SPRED2: variants seen among roughly 807,000 people sequenced by gnomAD.
SPRED2 encodes sprouty related EVH1 domain containing 2.
SPRED2 carries 47 observed loss-of-function variants against 43.0 expected under a neutral mutation model. The observed-to-expected ratio is 1.09, with a 90% CI of 0.87 to 1.40. SPRED2 has a LOEUF of 1.40. Ranked by LOEUF, SPRED2 falls within the 40% of genes most tolerant of loss-of-function variation. The probability of loss-of-function intolerance (pLI) is 0.00; values close to 1 mark genes in which losing one functional copy is unlikely to be tolerated. For missense variants in SPRED2, 561 were observed against 586.4 expected (o/e 0.96, Z 0.45); for synonymous variants, 225 against 225.7 (o/e 1.00, Z 0.03).
chr2:65,326,635 A>G (rs574034713), intron 4 of SPRED2, among the ~76,000 whole-genome samples: 2 of 152,168 alleles, frequency 1.3e-5, no homozygotes, highest in East Asian at 3.9e-4. Flanking sequence ...GGATTCTTTC[A>G]TTGTGAAATT....
chr2:65,384,130 C>T (rs570313814), intron 1 of SPRED2, among the ~76,000 whole-genome samples: 5 of 152,174 alleles, frequency 3.3e-5, no homozygotes, highest in South Asian at 2.1e-4. Context: ...CTGCAACGGC[C>T]GCTCTCGGCC....
At chr2:65,342,421 ATAT>A (rs1399137065) in intron 2 of SPRED2, among the ~76,000 whole-genome samples, 3 of 148,810 alleles carry the variant, frequency 2.0e-5, no homozygotes, top group Non-Finnish European at 3.0e-5. Context: ...TTGTATACGT[ATAT>A]TATATGTATG....
chr2:65,337,681 T>G (rs549533771), intron 2 of SPRED2, among the ~76,000 whole-genome samples: 48 of 152,254 alleles, frequency 3.2e-4, no homozygotes, highest in African/African-American at 1.2e-3. Context: ...CTTAAAAATA[T>G]GTCATAGAGA....
intron 3 of SPRED2, among the ~76,000 whole-genome samples, chr2:65,333,063 C>G (rs1166661658): frequency 6.6e-6 from 1 of 151,914 alleles, no homozygotes; most frequent in African/African-American, 2.4e-5. Flanking sequence ...GTCAGGAGTT[C>G]AAGACCAGCC....
At chr2:65,346,291 C>T (rs1674347215) in intron 1 of SPRED2, among the ~76,000 whole-genome samples, 1 of 152,098 alleles carries the variant, frequency 6.6e-6, no homozygotes, top group African/African-American at 2.4e-5. Flanking sequence ...CTACCATTCC[C>T]TTTACTTCCT....
At position 65,389,296 on chromosome 2, in the gene SPRED2, T is replaced by C. The variant is rs189497658; in HGVS notation, c.26+42666A>G. Among the ~76,000 whole-genome samples, 6 of 151,966 alleles carry C rather than the reference T, an allele frequency of 3.9e-5. No homozygotes were observed. In the East Asian group the frequency reaches 9.7e-4, roughly 25 times the overall value. On this transcript the variant is annotated intron_variant, in intron 1 of 5. Coordinates refer to ENST00000356388, the MANE Select transcript of SPRED2 (RefSeq NM_181784.3). ...CCTTGCCTTGGGAGAAGCACAATCT[T>C]TCCTTTGAACATGAAACATTCTAAA... is the stretch of plus-strand genomic sequence containing the variant.
chr2:65,422,100 ACACACTCT>A (rs1476029788), intron 1 of SPRED2, among the ~76,000 whole-genome samples: 50 of 112,736 alleles, frequency 4.4e-4, no homozygotes, highest in African/African-American at 1.6e-3. Context: ...ACACACACAC[ACACACTCT>A]CTCTCTCTCT....
chr2:65,378,658 G>C (rs557546218), intron 1 of SPRED2, among the ~76,000 whole-genome samples: 4 of 152,360 alleles, frequency 2.6e-5, no homozygotes, highest in African/African-American at 9.6e-5. Context: ...GTGATCCTCA[G>C]ATGATAAGAG....
At chr2:65,309,338 GA>G (rs1470708553), downstream of SPRED2, among the ~76,000 whole-genome samples, 1 of 151,250 alleles carries the variant, frequency 6.6e-6, no homozygotes, top group Non-Finnish European at 1.5e-5. Context: ...CCATCTCTAT[GA>G]AAAAAATTTA....
chr2:65,348,216 T>C (rs1674407316), intron 1 of SPRED2, among the ~76,000 whole-genome samples: 1 of 152,188 alleles, frequency 6.6e-6, no homozygotes, highest in Non-Finnish European at 1.5e-5. Context: ...CACTTAAGTC[T>C]CTGTCCAAGG....
rs1324184853 is a variant in SPRED2, at chr2:65,343,172, C to T, written c.204+1547G>A. The stretch of plus-strand genomic sequence containing the variant: ...CCGAAGGGCTGGATTATACTTAGTA[C>T]ATGGTAAATGCTAGATAAATGGTAG... On this transcript the variant is annotated intron_variant, in intron 2 of 5. Transcript: ENST00000356388. Among the ~76,000 whole-genome samples, 3 of 152,164 alleles carry T rather than the reference C, an allele frequency of 2.0e-5. No individual in the cohort carries two copies. The East Asian group carries it at 5.8e-4, about 29-fold the overall frequency.
chr2:65,350,695 G>GA (rs1674482852), intron 1 of SPRED2, among the ~76,000 whole-genome samples: 2 of 152,242 alleles, frequency 1.3e-5, no homozygotes, highest in South Asian at 4.2e-4. Flanking sequence ...GGAAGGCAGA[G>GA]AAAAAAATCT....
chr2:65,322,525 C>T (rs1673462686), intron 4 of SPRED2, among the ~76,000 whole-genome samples: 1 of 151,858 alleles, frequency 6.6e-6, no homozygotes, highest in South Asian at 2.1e-4. Flanking sequence ...AATCTCCTGA[C>T]CTCGTTATCC....
chr2:65,350,234 G>A (rs1046336263), intron 1 of SPRED2, among the ~76,000 whole-genome samples: 1 of 152,216 alleles, frequency 6.6e-6, no homozygotes, highest in Non-Finnish European at 1.5e-5. Context: ...GGGGCAGGAA[G>A]GGCAAGGGCA....
intron 1 of SPRED2, among the ~76,000 whole-genome samples, chr2:65,393,326 C>CTTTTTTT (rs55696467): frequency 6.4e-5 from 9 of 141,692 alleles, no homozygotes; most frequent in African/African-American, 1.3e-4. Flanking sequence ...AATCATAAGG[C>CTTTTTTT]TTTTTTTTTT....
intron 1 of SPRED2, among the ~76,000 whole-genome samples, chr2:65,356,536 C>CTTTTTTTTTTTTTTTT (rs1274369940): frequency 6.6e-5 from 4 of 60,586 alleles, no homozygotes; most frequent in East Asian, 1.7e-3. Context: ...CCAGTTCCCT[C>CTTTTTTTTTTTTTTTT]TTTTTTTTTT....
intron 1 of SPRED2, among the ~76,000 whole-genome samples, chr2:65,354,757 G>T (rs1371265740): frequency 6.6e-6 from 1 of 151,908 alleles, no homozygotes; most frequent in Non-Finnish European, 1.5e-5. Flanking sequence ...ACACAATAAA[G>T]GTTAAGGTTG....
At chr2:65,386,396 G>C (rs922260539) in intron 1 of SPRED2, among the ~76,000 whole-genome samples, 1 of 151,672 alleles carries the variant, frequency 6.6e-6, no homozygotes, top group Non-Finnish European at 1.5e-5. Flanking sequence ...AGTAGTAGCA[G>C]CAGCTAACAA....
At chr2:65,316,920 A>T in intron 4 of SPRED2, 37 bp from the exon 5 acceptor site, 2 of 1,608,430 alleles carry the variant, frequency 1.2e-6, no homozygotes, top group Non-Finnish European at 1.7e-6. Context: ...CAATTTAAAA[A>T]CAACAACAAA....
Sources: allele counts gnomAD v4.1 joint callset (sites outside exome capture counted in the v4.1 genomes callset), GRCh38; gene constraint gnomAD v4.1.1; transcripts MANE v1.5; gene names NCBI Gene and HGNC (gene_info 2026-07-23, HGNC 2026-07-21).